HIVEP3: variants seen among roughly 807,000 people sequenced by gnomAD.
HIVEP3 encodes transcription factor HIVEP3.
Under a neutral mutation model 152.8 loss-of-function variants are expected in HIVEP3, and 49 were observed. The observed-to-expected ratio is 0.32, with a 90% CI of 0.26 to 0.41. The LOEUF is 0.41. Ranked by LOEUF, HIVEP3 falls within the 10% of genes least tolerant of loss-of-function variation. The pLI, the probability that HIVEP3 is intolerant of heterozygous loss-of-function variation, is 1.00. For missense variants in HIVEP3, 2,790 were observed against 3,103.3 expected, an observed-to-expected ratio of 0.90 and a Z score of 2.40; for synonymous variants, 1,269 against 1,289.0, an observed-to-expected ratio of 0.98 and a Z score of 0.33.
intron 7 of HIVEP3, among the ~76,000 whole-genome samples, chr1:41,516,093 G>A (rs1460671280): frequency 1.3e-5 from 2 of 152,226 alleles, no homozygotes; most frequent in Non-Finnish European, 2.9e-5. Context: ...ATGAATGCTG[G>A]AAGCCAAGAG....
chr1:41,550,438 T>C (rs1011961248), intron 5 of HIVEP3, among the ~76,000 whole-genome samples: 2 of 152,238 alleles, frequency 1.3e-5, no homozygotes, highest in Admixed American at 6.5e-5. Flanking sequence ...GGGGATGGCA[T>C]TGAATCTATA....
intron 1 of HIVEP3, among the ~76,000 whole-genome samples, chr1:41,971,107 C>T (rs1173758277): frequency 6.6e-6 from 1 of 152,220 alleles, no homozygotes; most frequent in African/African-American, 2.4e-5. Context: ...GCAGTTACAA[C>T]TGATTTAAGC....
In HIVEP3 at chr1:41,556,630, A is replaced by C. The variant is rs573829855; in HGVS notation, c.5207+18914T>G. 2.6e-4 allele frequency among the ~76,000 whole-genome samples: 40 copies of C among 152,264 alleles called. No homozygotes were observed. The East Asian group carries it at 5.8e-3, about 22-fold the overall frequency. ...TGTCCTTTAATGAATAAAAGTTTTAAATTTTGATGAAGTCCAAACTTATCT... is the reference window on the plus strand; with the variant it reads ...TGTCCTTTAATGAATAAAAGTTTTACATTTTGATGAAGTCCAAACTTATCT... On this transcript the variant is annotated intron_variant, in intron 5 of 8. Transcript: ENST00000372583.
At chr1:41,631,465 C>T (rs938807847) in intron 2 of HIVEP3, among the ~76,000 whole-genome samples, 5 of 152,170 alleles carry the variant, frequency 3.3e-5, no homozygotes, top group African/African-American at 9.7e-5. Context: ...GAGTAACCCG[C>T]ACACAGGCCT....
rs138595003 is a variant in HIVEP3, at chr1:41,580,373, G to C, written c.4425C>G (p.Thr1475=). 1 of 1,613,976 alleles carries C rather than the reference G, an allele frequency of 6.2e-7. No homozygotes were observed. Among genetic ancestry groups the C allele is most frequent in the Non-Finnish European group, 8.5e-7 (1 of 1,180,002 alleles). ...VKPCSVVLTS[T]EDGKRPEKSH... is the part of the protein sequence containing the mutation. Reference sequence around the variant, plus strand: ...ATTTCTCTGGCCTCTTCCCATCCTCGGTGCTGGTAAGGACCACACTGCATG... The same window carrying C: ...ATTTCTCTGGCCTCTTCCCATCCTCCGTGCTGGTAAGGACCACACTGCATG... The change falls in exon 4 of 9, where the codon ACC becomes ACG. Residue 1475 remains threonine, a synonymous_variant. Transcript: ENST00000372583.
At chr1:41,609,827 T>C (rs1262930336) in intron 3 of HIVEP3, among the ~76,000 whole-genome samples, 1 of 152,270 alleles carries the variant, frequency 6.6e-6, no homozygotes, top group African/African-American at 2.4e-5. Context: ...ATGGTTAATT[T>C]TGTGTCAAGT....
At chr1:41,755,034 A>T (rs776315420) in intron 1 of HIVEP3, among the ~76,000 whole-genome samples, 5 of 152,270 alleles carry the variant, frequency 3.3e-5, no homozygotes, top group Non-Finnish European at 7.3e-5. Context: ...GGTGAGAAGC[A>T]TCACTTTACC....
At chr1:41,618,276 C>T (rs1021586822) in intron 3 of HIVEP3, among the ~76,000 whole-genome samples, 1 of 152,234 alleles carries the variant, frequency 6.6e-6, no homozygotes, top group Non-Finnish European at 1.5e-5. Flanking sequence ...GCAGACTCTG[C>T]GGTTATGCAA....
intron 5 of HIVEP3, among the ~76,000 whole-genome samples, chr1:41,548,015 A>C (rs1332581824): frequency 1.3e-5 from 2 of 152,036 alleles, no homozygotes; most frequent in Non-Finnish European, 2.9e-5. Flanking sequence ...CTCCAGATGG[A>C]ACAATCCTCC....
chr1:41,511,164 C>T lies in HIVEP3; in HGVS notation c.6508G>A (p.Ala2170Thr). The change falls in exon 9 of 9, where the codon GCC becomes ACC. Residue 2170 changes from alanine (A) to threonine (T), a missense_variant. Physicochemically the swap from Ala to Thr is moderately conservative, Grantham distance 58 (BLOSUM62 0). Coordinates refer to ENST00000372583, the MANE Select transcript of HIVEP3 (RefSeq NM_024503.5). The surrounding 1 kb of genome is among the most constrained non-coding windows in gnomAD (Gnocchi z 4.9). ...CTGAAGATGTTCTCCTCTGTCCGGGCCAGGATGTGGCCGTGGAAGTCATGG... is the reference window on the plus strand; with the variant it reads ...CTGAAGATGTTCTCCTCTGTCCGGGTCAGGATGTGGCCGTGGAAGTCATGG... ...ALHDFHGHIL[A>T]RTEENIFSHL... is the part of the protein sequence containing the mutation. 1 of 1,614,098 alleles carries T rather than the reference C, an allele frequency of 6.2e-7. No homozygotes were observed. The highest frequency in any genetic ancestry group is 8.5e-7 in the Non-Finnish European group (1 of 1,180,004).
At chr1:41,903,769 C>A (rs1644664107) in intron 1 of HIVEP3, among the ~76,000 whole-genome samples, 1 of 118,584 alleles carries the variant, frequency 8.4e-6, no homozygotes, top group South Asian at 2.7e-4. Context: ...ACTCAGAGTA[C>A]ACACATGCTT....
intron 3 of HIVEP3, among the ~76,000 whole-genome samples, chr1:41,627,411 A>G (rs184423656): frequency 6.6e-6 from 1 of 152,312 alleles, no homozygotes; most frequent in East Asian, 1.9e-4. Flanking sequence ...GTTAAGTACC[A>G]CAACAAACAT....
intron 1 of HIVEP3, among the ~76,000 whole-genome samples, chr1:41,815,767 T>C (rs962003924): frequency 2.7e-5 from 4 of 146,990 alleles, no homozygotes; most frequent in Non-Finnish European, 6.0e-5. Context: ...TTTTTTTTTT[T>C]ATTGTTGTTG....
intron 5 of HIVEP3, among the ~76,000 whole-genome samples, chr1:41,553,746 C>T (rs1643924285): frequency 1.3e-5 from 2 of 152,274 alleles, no homozygotes; most frequent in African/African-American, 4.8e-5. Context: ...TTTTATTTCT[C>T]CTTCACTTAT....
At chr1:41,755,058 T>C (rs1412887374) in intron 1 of HIVEP3, among the ~76,000 whole-genome samples, 2 of 152,226 alleles carry the variant, frequency 1.3e-5, no homozygotes, top group Non-Finnish European at 2.9e-5. Flanking sequence ...TGTTAAGACA[T>C]GATATAGCTA....
At chr1:41,912,803 G>C (rs1644817269) in intron 1 of HIVEP3, among the ~76,000 whole-genome samples, 1 of 152,202 alleles carries the variant, frequency 6.6e-6, no homozygotes, top group Non-Finnish European at 1.5e-5. Flanking sequence ...TGACAGTCAG[G>C]GGAAGTTTCT....
At position 41,888,074 on chromosome 1, in the gene HIVEP3, C is replaced by T. The variant is rs547564735; in HGVS notation, c.-801+30339G>A. Among the ~76,000 whole-genome samples the T allele has an allele frequency of 2.8e-3, 403 of 142,928 alleles. 3 individuals are homozygous for T. The highest frequency in any genetic ancestry group is 3.6e-3 in the Non-Finnish European group (238 of 66,368). The allele number at this position is 142,928 out of a possible 152,430, so 93.8% of individuals were successfully genotyped here. ...TTTTTTTTTGAGACTGAGTCTCTGT[C>T]GCCCAGGCTGGAGTGCAGTGGCGTG... On this transcript the variant is annotated intron_variant, in intron 1 of 8. Transcript: ENST00000372583.
At chr1:41,833,745 C>G (rs1402967077) in intron 1 of HIVEP3, among the ~76,000 whole-genome samples, 2 of 152,230 alleles carry the variant, frequency 1.3e-5, no homozygotes, top group Non-Finnish European at 2.9e-5. Flanking sequence ...ATAAGGTCCA[C>G]ACACAGTGGC....
At chr1:41,699,863 T>G (rs927388828) in intron 2 of HIVEP3, among the ~76,000 whole-genome samples, 1 of 150,844 alleles carries the variant, frequency 6.6e-6, no homozygotes, top group Non-Finnish European at 1.5e-5. Context: ...GCTGACTGTC[T>G]CCCTTCCCTG....
Sources: gnomAD v4.1 joint callset for allele counts (sites outside exome capture counted in the v4.1 genomes callset) on GRCh38, gnomAD v4.1.1 for gene constraint, Gnocchi (gnomAD v3.1) non-coding constraint, MANE v1.5 for transcripts, NCBI Gene and HGNC (gene_info 2026-07-23, HGNC 2026-07-21) for gene names.